Variants in ANKK1 observed in about 807,000 individuals in gnomAD.
The protein encoded by ANKK1 is ankyrin repeat and protein kinase domain-containing protein 1.
A neutral mutation model predicts 37.6 loss-of-function variants in ANKK1; 37 were observed. That is an observed-to-expected ratio of 0.98 (90% confidence interval 0.76 to 1.29). ANKK1 has a LOEUF of 1.29. ANKK1 is among the 50% of genes most tolerant of loss of function. The pLI is 0.00. For missense variants in ANKK1, 1,019 were observed against 990.6 expected, an observed-to-expected ratio of 1.03 and a Z score of -0.39; for synonymous variants, 415 against 418.7, an observed-to-expected ratio of 0.99 and a Z score of 0.11.
intron 1 of ANKK1, 84 bp from the exon 2 acceptor site, chr11:113,393,397 A>G (rs1950603371): frequency 2.4e-5 from 34 of 1,439,168 alleles, no homozygotes; most frequent in Non-Finnish European, 2.9e-5. Context: ...ACAGTCTGGC[A>G]TCATGGCTAG....
chr11:113,387,861 C>A lies in ANKK1; in HGVS notation c.-24C>A. ...AGCAGCCACAGCGGGGAGTGCGCGGCGCGGGGACAGGAAGAGAGGGGCAAT... is the reference window on the plus strand; with the variant it reads ...AGCAGCCACAGCGGGGAGTGCGCGGAGCGGGGACAGGAAGAGAGGGGCAAT... On this transcript the variant is annotated 5_prime_UTR_variant, in exon 1 of 8. Coordinates refer to ENST00000303941, the MANE Select transcript of ANKK1 (RefSeq NM_178510.2). 6.8e-7 allele frequency: 1 copy of A among 1,478,954 alleles called. No homozygotes were observed. Among genetic ancestry groups the A allele is most frequent in the Non-Finnish European group, 9.0e-7 (1 of 1,112,884 alleles). The allele number at this position is 1,478,954 out of a possible 1,614,324, so 91.6% of individuals were successfully genotyped here.
At chr11:113,395,297 C>T (rs1950628629) in intron 3 of ANKK1, 62 bp from the exon 4 acceptor site, 16 of 1,601,974 alleles carry the variant, frequency 1.0e-5, no homozygotes, top group Middle Eastern at 1.7e-4. Context: ...CCTGCCACCC[C>T]GGGCTGGGGT....
In ANKK1 at chr11:113,400,252, C is replaced by A; in HGVS notation, c.2283C>A (p.Ala761=). The change falls in exon 8 of 8, where the codon GCC becomes GCA. Residue 761 remains alanine (A), a synonymous_variant. Coordinates refer to ENST00000303941, the MANE Select transcript of ANKK1 (RefSeq NM_178510.2). Reference sequence around the variant, plus strand: ...CTCTGGGTGGTTCTAAGCCAGGAGCCGAGATGGAAATTTAGACAACTTGGC... The same window carrying A: ...CTCTGGGTGGTTCTAAGCCAGGAGCAGAGATGGAAATTTAGACAACTTGGC... The part of the protein sequence containing the change: ...VATLGGSKPG[A]EMEI 2 of 1,538,880 alleles carry A rather than the reference C, an allele frequency of 1.3e-6. No individual in the cohort carries two copies. Among genetic ancestry groups the A allele is most frequent in the South Asian group, 1.2e-5 (1 of 83,644 alleles).
chr11:113,393,413 G>A lies in ANKK1; in HGVS notation c.186-68G>A, dbSNP rs557153939. The A allele has an allele frequency of 3.5e-5, 52 of 1,499,020 alleles. No homozygotes were observed. In the East Asian group the frequency reaches 1.2e-3, roughly 33 times the overall value. The allele number at this position is 1,499,020 out of a possible 1,614,324, so 92.9% of individuals were successfully genotyped here. ...CAGTCTGGCATCATGGCTAGTTTAT[G>A]TGTTCAGCTGGTTGCTGTAGTAATG... On this transcript the variant is annotated intron_variant, in intron 1 of 7. Transcript: ENST00000303941.
At position 113,399,245 on chromosome 11, in the gene ANKK1, G is replaced by A. The variant is rs55699907; in HGVS notation, c.1276G>A (p.Glu426Lys). Residue 426 changes from glutamate (E) to lysine (K), a missense_variant, in exon 8 of 8, where the codon GAG (glutamate) becomes AAG (lysine). Physicochemically the swap from Glu to Lys is moderately conservative, Grantham distance 56. Coordinates refer to ENST00000303941, the MANE Select transcript of ANKK1 (RefSeq NM_178510.2). Reference protein sequence around the residue: ...AHGADANRVDEDGWAPLHFAA... With the variant: ...AHGADANRVDKDGWAPLHFAA... ...TGGTGCTGATGCCAACCGAGTGGAT[G>A]AGGATGGCTGGGCCCCACTGCACTT... is the stretch of plus-strand genomic sequence containing the variant. 2.8e-4 allele frequency: 445 copies of A among 1,607,828 alleles called. 6 individuals are homozygous for A. The South Asian group carries it at 4.6e-3, about 17-fold the overall frequency.
At position 113,387,868 on chromosome 11, in the gene ANKK1, A is replaced by G. The variant is rs566701242; in HGVS notation, c.-17A>G. 5.3e-6 allele frequency: 8 copies of G among 1,503,868 alleles called. No homozygotes were observed. In the South Asian group the frequency reaches 9.9e-5, roughly 19 times the overall value. 93.2% of individuals were successfully genotyped at this position (1,503,868 alleles called of 1,614,324 possible). ...ACAGCGGGGAGTGCGCGGCGCGGGG[A>G]CAGGAAGAGAGGGGCAATGGCTGCC... On this transcript the variant is annotated 5_prime_UTR_variant, in exon 1 of 8. Transcript: ENST00000303941.
intron 7 of ANKK1, 121 bp downstream of exon 7, chr11:113,398,137 G>T: frequency 8.4e-7 from 1 of 1,190,384 alleles, no homozygotes; most frequent in South Asian, 1.3e-5. Flanking sequence ...CACATCCAGG[G>T]TTTAGGTGCC....
chr11:113,390,169 T>G (rs1488166479), intron 1 of ANKK1, among the ~76,000 whole-genome samples: 1 of 152,170 alleles, frequency 6.6e-6, no homozygotes, highest in East Asian at 1.9e-4. Context: ...AAATGTCCAC[T>G]CCATGAGAGT....
In ANKK1 at chr11:113,397,348, T is replaced by C. The variant is rs751543797; in HGVS notation, c.957+6T>C. 5 of 1,602,204 alleles carry C rather than the reference T, an allele frequency of 3.1e-6. No homozygotes were observed. Among genetic ancestry groups the C allele is most frequent in the Non-Finnish European group, 4.3e-6 (5 of 1,172,090 alleles). Reference sequence around the variant, plus strand: ...CGCTGCGCCAGCCCGGGGAGGTGAGTGTGTGGGCTGGGCAGTCCTTATGGT... The same window carrying C: ...CGCTGCGCCAGCCCGGGGAGGTGAGCGTGTGGGCTGGGCAGTCCTTATGGT... On this transcript the variant is annotated splice_donor_region_variant and intron_variant, in intron 6 of 7. Transcript: ENST00000303941.
At chr11:113,396,256 G>A in intron 5 of ANKK1, 34 bp downstream of exon 5, 1 of 1,608,622 alleles carries the variant, frequency 6.2e-7, no homozygotes, top group South Asian at 1.1e-5. Context: ...CAGGGACTGG[G>A]AGCTGGGTGG....
Position 113,398,435 on chromosome 11 carries a change from G to A in ANKK1, c.994+419G>A, listed in dbSNP as rs75375416. Among the ~76,000 whole-genome samples, 536 of 152,184 alleles carry A rather than the reference G, an allele frequency of 3.5e-3. 2 individuals are homozygous for A. Among genetic ancestry groups the A allele is most frequent in the Non-Finnish European group, 5.9e-3 (401 of 68,006 alleles). On this transcript the variant is annotated intron_variant, in intron 7 of 7. Transcript: ENST00000303941. ...TCATTTTAATTCTCATACTCCACTG[G>A]GTAGAGCAGAAGGATGTTGATCCTT...
chr11:113,400,289 G>T lies in ANKK1; in HGVS notation c.*22G>T. On this transcript the variant is annotated 3_prime_UTR_variant, in exon 8 of 8. Coordinates refer to ENST00000303941, the MANE Select transcript of ANKK1 (RefSeq NM_178510.2). ...TTAGACAACTTGGCCAGCCGTGGTG[G>T]CTCACGTCTGTAATCCCAGCACTTT... 6.6e-7 allele frequency: 1 copy of T among 1,517,612 alleles called. No homozygotes were observed. The allele number at this position is 1,517,612 out of a possible 1,614,324, so 94.0% of individuals were successfully genotyped here.
chr11:113,388,432 C>T (rs1471955119), intron 1 of ANKK1, among the ~76,000 whole-genome samples: 2 of 152,184 alleles, frequency 1.3e-5, no homozygotes, highest in South Asian at 2.1e-4. Context: ...TGCTCTTGAC[C>T]GCTCTCTGCC....
At chr11:113,398,314 T>TAAAAAA (rs10585601) in intron 7 of ANKK1, among the ~76,000 whole-genome samples, 1 of 128,186 alleles carries the variant, frequency 7.8e-6, no homozygotes. Context: ...CTCGGGAAAT[T>TAAAAAA]AAAAAAAAAA....
chr11:113,398,945 C>G lies in ANKK1; in HGVS notation c.995-19C>G. The G allele has an allele frequency of 1.3e-6, 2 of 1,543,534 alleles. No individual in the cohort carries two copies. The highest frequency in any genetic ancestry group is 1.7e-6 in the Non-Finnish European group (2 of 1,144,056). Reference sequence around the variant, plus strand: ...CGGGTCACAGGTCTTTTTTTTCAACCCCATCTTTCTCCCAGCAGACTCAGG... The same window carrying G: ...CGGGTCACAGGTCTTTTTTTTCAACGCCATCTTTCTCCCAGCAGACTCAGG... On this transcript the variant is annotated intron_variant, in intron 7 of 7. Transcript: ENST00000303941.
At chr11:113,395,462 C>T in intron 4 of ANKK1, 54 bp downstream of exon 4, 1 of 1,587,074 alleles carries the variant, frequency 6.3e-7, no homozygotes, top group South Asian at 1.1e-5. Context: ...CTGGGATGGG[C>T]TCCTGGAAGG....
intron 5 of ANKK1, among the ~76,000 whole-genome samples, chr11:113,396,691 C>T (rs376521626): frequency 1.3e-5 from 2 of 152,224 alleles, no homozygotes; most frequent in African/African-American, 4.8e-5. Context: ...GAAGGCAGCA[C>T]TGGGAGCCAG....
chr11:113,390,653 T>G (rs943477727), intron 1 of ANKK1, among the ~76,000 whole-genome samples: 6 of 150,984 alleles, frequency 4.0e-5, no homozygotes, highest in African/African-American at 1.5e-4. Flanking sequence ...GAGAATTGCT[T>G]GAACCCAGGA....
In ANKK1 at chr11:113,400,111, A is replaced by C. The variant is rs1276236218; in HGVS notation, c.2142A>C (p.Ala714=). Residue 714 remains alanine, a synonymous_variant, in exon 8 of 8, where the codon GCA becomes GCC. Transcript: ENST00000303941. The stretch of plus-strand genomic sequence containing the variant: ...CCATCCTCAAAGTGCTGGTCGAGGC[A>C]GGCGCCCAGCTGGACGTCCAGGATG... ...NTAILKVLVE[A]GAQLDVQDGV... The C allele has an allele frequency of 1.9e-6, 3 of 1,612,670 alleles. No homozygotes were observed. The African/African-American group carries it at 4.0e-5, about 22-fold the overall frequency.
Sources: gnomAD v4.1 joint callset for allele counts (sites outside exome capture counted in the v4.1 genomes callset) on GRCh38, gnomAD v4.1.1 for gene constraint, MANE v1.5 for transcripts, NCBI Gene and HGNC (gene_info 2026-07-23, HGNC 2026-07-21) for gene names.